Variants in VSX2 observed in about 807,000 individuals in gnomAD.
The protein encoded by VSX2 is ceh-10 homeo domain containing homolog.
Under a neutral mutation model 32.1 loss-of-function variants are expected in VSX2, and 28 were observed. That is an observed-to-expected ratio of 0.87 (90% CI 0.65 to 1.20). VSX2 has a LOEUF of 1.20. Ranked by LOEUF, VSX2 falls within the 50% of genes most tolerant of loss-of-function variation. The pLI is 0.00. For missense variants in VSX2, 506 were observed against 488.7 expected (o/e 1.04, Z -0.33); for synonymous variants, 243 against 214.1 (o/e 1.14, Z -1.18).
At chr14:74,256,670 T>A (rs911653144) in intron 3 of VSX2, among the ~76,000 whole-genome samples, 1 of 27,604 alleles carries the variant, frequency 3.6e-5, no homozygotes, top group East Asian at 0.011. Flanking sequence ...GGAGTCATAC[T>A]TTTTTTTTTT....
chr14:74,245,678 G>T (rs1159197985), intron 3 of VSX2, among the ~76,000 whole-genome samples: 1 of 151,986 alleles, frequency 6.6e-6, no homozygotes, highest in Non-Finnish European at 1.5e-5. Context: ...AGGCCTCTGG[G>T]TAGCTGTGAA....
rs370786629 is a variant in VSX2, at chr14:74,243,749, G to A, written c.456-1416G>A. ...GGAGAAACGATTTAGAATCAAACCA[G>A]TCATTTTCTGCAAAGAGCACAATCT... On this transcript the variant is annotated intron_variant, in intron 2 of 4. Coordinates refer to ENST00000261980, the MANE Select transcript of VSX2 (RefSeq NM_182894.3). 2.3e-4 allele frequency among the ~76,000 whole-genome samples: 35 copies of A among 151,548 alleles called. No individual in the cohort carries two copies. The South Asian group carries it at 5.9e-3, about 25-fold the overall frequency.
At position 74,242,752 on chromosome 14, in the gene VSX2, G is replaced by C. The variant is rs371059230; in HGVS notation, c.455+1486G>C. On this transcript the variant is annotated intron_variant, in intron 2 of 4. Coordinates refer to ENST00000261980, the MANE Select transcript of VSX2 (RefSeq NM_182894.3). ...GGCAGGGACAGGGACCTTGCAGGGA[G>C]GGCAGGTCAGAGACCGGCAAAACTG... Among the ~76,000 whole-genome samples the C allele has an allele frequency of 3.1e-4, 47 of 152,182 alleles. No individual in the cohort carries two copies. In the East Asian group the frequency reaches 3.3e-3, roughly 11 times the overall value.
chr14:74,245,056 C>G (rs2079183054), intron 2 of VSX2, 109 bp from the exon 3 acceptor site: 4 of 1,402,464 alleles, frequency 2.9e-6, no homozygotes, highest in Non-Finnish European at 3.9e-6. Context: ...GCTGAGCCAG[C>G]CTGGGTTCGG....
At chr14:74,245,437 A>AG in intron 3 of VSX2, 149 bp downstream of exon 3, 1 of 1,139,704 alleles carries the variant, frequency 8.8e-7, no homozygotes, top group Non-Finnish European at 1.3e-6. Flanking sequence ...ATTTAAGCTG[A>AG]ACACCTGCCA....
intron 4 of VSX2, among the ~76,000 whole-genome samples, chr14:74,260,299 G>A (rs1050953918): frequency 7.9e-5 from 12 of 152,282 alleles, no homozygotes; most frequent in African/African-American, 2.2e-4. Context: ...TCTAAGATCC[G>A]GAATCCCATG....
rs28416152 is a variant in VSX2, at chr14:74,254,080, C to T, written c.580-5522C>T. ...GTATGGGCACTGTGTAGGTGTTCCC[C>T]TGTACTGGAGCCTTAAGGGCTTGGG... On this transcript the variant is annotated intron_variant, in intron 3 of 4. Coordinates refer to ENST00000261980, the MANE Select transcript of VSX2 (RefSeq NM_182894.3). 5.7e-3 allele frequency among the ~76,000 whole-genome samples: 872 copies of T among 152,262 alleles called. 9 individuals are homozygous for T. Among genetic ancestry groups the T allele is most frequent in the African/African-American group, 0.02 (819 of 41,560 alleles).
chr14:74,246,709 C>CA (rs1367442813), intron 3 of VSX2, among the ~76,000 whole-genome samples: 2 of 152,148 alleles, frequency 1.3e-5, no homozygotes, highest in East Asian at 3.8e-4. Context: ...GTGGCTGCGG[C>CA]AGGGAGGAGC....
chr14:74,245,542 C>T (rs2079186971), intron 3 of VSX2, among the ~76,000 whole-genome samples: 1 of 152,066 alleles, frequency 6.6e-6, no homozygotes, highest in African/African-American at 2.4e-5. Context: ...GTCAGACAGA[C>T]CCTGCGGGGG....
rs750027368 is a variant in VSX2 at position 74,250,249 on chromosome 14, ATT to A, written c.579+4971_579+4972del. On this transcript the variant is annotated intron_variant, in intron 3 of 4. Coordinates refer to ENST00000261980, the MANE Select transcript of VSX2 (RefSeq NM_182894.3). ...AGAATCCTGTTTCAAAAAAAAAAAA[ATT>A]TTTTTTTTTAAATGCTAGGATATGG... 7.7e-3 allele frequency among the ~76,000 whole-genome samples: 47 copies of A among 6,082 alleles called. 1 individual carries two copies. The highest frequency in any genetic ancestry group is 0.023 in the Non-Finnish European group (29 of 1,282). The allele number at this position is 6,082 out of a possible 152,430, so 4.0% of individuals were successfully genotyped here.
chr14:74,259,450 G>A, intron 3 of VSX2, 152 bp from the exon 4 acceptor site: 1 of 791,992 alleles, frequency 1.3e-6, no homozygotes, highest in Non-Finnish European at 2.1e-6. Flanking sequence ...TACTCCCTGA[G>A]CCTGGAGGAA....
chr14:74,248,493 C>G (rs907318195), intron 3 of VSX2, among the ~76,000 whole-genome samples: 1 of 151,862 alleles, frequency 6.6e-6, no homozygotes, highest in Non-Finnish European at 1.5e-5. Flanking sequence ...TTGAGCCCAG[C>G]CTGGACAACA....
At position 74,239,856 on chromosome 14, in the gene VSX2, G is replaced by C. The variant is rs780147787; in HGVS notation, c.295G>C (p.Asp99His). The change falls in exon 1 of 5, where the codon GAC becomes CAC. Residue 99 changes from aspartate (D) to histidine (H), a missense_variant. By Grantham distance (81) the Asp-to-His change is moderately conservative. Coordinates refer to ENST00000261980, the MANE Select transcript of VSX2 (RefSeq NM_182894.3). ...GCCCACCTTCCTGGAAGTGCTGTCC[G>C]ACCCGCAGAGCGTCCACTTGCAGCC... ...TQPTFLEVLS[D>H]PQSVHLQPLG... is the part of the protein sequence containing the mutation. 1.3e-6 allele frequency: 2 copies of C among 1,577,866 alleles called. No individual in the cohort carries two copies. Among genetic ancestry groups the C allele is most frequent in the African/African-American group, 1.3e-5 (1 of 74,574 alleles).
Position 74,239,776 on chromosome 14 carries a change from G to A in VSX2, c.215G>A (p.Gly72Glu), listed in dbSNP as rs1364386294. ...GCGCGCTCAGTGCTCAGCCCCGCGG[G>A]GGTGGGCGGCATGGGGCTTCTGGGG... ...LAARSVLSPA[G>E]VGGMGLLGPG... Residue 72 changes from glycine to glutamate, a missense_variant, in exon 1 of 5, where the codon GGG becomes GAG. Physicochemically the swap from Gly to Glu is moderately conservative, Grantham distance 98. Coordinates refer to ENST00000261980, the MANE Select transcript of VSX2 (RefSeq NM_182894.3). The A allele has an allele frequency of 1.9e-6, 3 of 1,557,488 alleles. No individual in the cohort carries two copies. Among genetic ancestry groups the A allele is most frequent in the Non-Finnish European group, 2.6e-6 (3 of 1,151,668 alleles).
chr14:74,246,302 T>C (rs1450245952), intron 3 of VSX2, among the ~76,000 whole-genome samples: 1 of 152,128 alleles, frequency 6.6e-6, no homozygotes, highest in African/African-American at 2.4e-5. Context: ...CCAGTCTAGG[T>C]TCCTTGTATC....
chr14:74,251,703 C>T (rs1253365891), intron 3 of VSX2, among the ~76,000 whole-genome samples: 1 of 152,078 alleles, frequency 6.6e-6, no homozygotes, highest in Non-Finnish European at 1.5e-5. Context: ...GAAATGTGGT[C>T]GGAGCTGCCC....
chr14:74,251,855 C>A (rs1435700466), intron 3 of VSX2, among the ~76,000 whole-genome samples: 1 of 152,136 alleles, frequency 6.6e-6, no homozygotes, highest in Non-Finnish European at 1.5e-5. Context: ...CAGCGATGAG[C>A]CCAAATTCAT....
At position 74,260,695 on chromosome 14, in the gene VSX2, C is replaced by T. The variant is rs76055170; in HGVS notation, c.862C>T (p.Arg288Trp). 180 of 1,595,264 alleles carry T rather than the reference C, an allele frequency of 1.1e-4. No individual in the cohort carries two copies. The highest frequency in any genetic ancestry group is 1.8e-4 in the East Asian group (8 of 44,194). Reference sequence around the variant, plus strand: ...GCTCGACAAGATGGAGCAGGACGAGCGGGGCCCCGACGCTCAGGCGGCCAT... The same window carrying T: ...GCTCGACAAGATGGAGCAGGACGAGTGGGGCCCCGACGCTCAGGCGGCCAT... ...PKLDKMEQDE[R>W]GPDAQAAISQ... The change falls in exon 5 of 5, where the codon CGG becomes TGG. Residue 288 changes from arginine to tryptophan, a missense_variant. By Grantham distance (101) the Arg-to-Trp change is moderately radical. Coordinates refer to ENST00000261980, the MANE Select transcript of VSX2 (RefSeq NM_182894.3).
intron 3 of VSX2, among the ~76,000 whole-genome samples, chr14:74,246,289 T>A (rs1594754982): frequency 6.6e-6 from 1 of 152,140 alleles, no homozygotes; most frequent in African/African-American, 2.4e-5. Flanking sequence ...CTGCGTCTCC[T>A]CCCCAGTCTA....
Sources: allele counts gnomAD v4.1 joint callset (sites outside exome capture counted in the v4.1 genomes callset), GRCh38; gene constraint gnomAD v4.1.1; transcripts MANE v1.5; gene names NCBI Gene and HGNC (gene_info 2026-07-23, HGNC 2026-07-21).